Variants in KNL1 observed in about 807,000 individuals in gnomAD.
KNL1 encodes kinetochore scaffold 1.
In KNL1, 66 loss-of-function variants were observed where a neutral mutation model predicts 201.3. That is an observed-to-expected ratio of 0.33 (90% CI 0.27 to 0.40). KNL1 has a LOEUF of 0.40. Among genes scored for constraint, KNL1 ranks in the 10% least tolerant of loss-of-function variants. The pLI, the probability that KNL1 is intolerant of heterozygous loss-of-function variation, is 1.00. For missense variants in KNL1, 2,815 were observed against 2,690.5 expected (o/e 1.05, Z -1.02); for synonymous variants, 895 against 899.2 (o/e 1.00, Z 0.08).
rs373254229 is a variant in KNL1, at chr15:40,624,147, G to C, written c.3883G>C (p.Val1295Leu). The change falls in exon 10 of 26, where the codon GTT becomes CTT. Residue 1295 changes from valine (V) to leucine (L), a missense_variant. Transcript: ENST00000399668. ...VDFTSSHATA[V>L]CGSSDNYSCL... ...CTTTACAAGTAGTCATGCAACTGCTGTTTGTGGATCCAGTGATAATTATTC... is the reference window on the plus strand; with the variant it reads ...CTTTACAAGTAGTCATGCAACTGCTCTTTGTGGATCCAGTGATAATTATTC... The C allele has an allele frequency of 4.3e-6, 7 of 1,613,994 alleles. No individual in the cohort carries two copies. The Admixed American group carries it at 6.7e-5, about 15-fold the overall frequency.
chr15:40,649,703 CA>C (rs1893497039), intron 17 of KNL1, among the ~76,000 whole-genome samples: 1 of 152,140 alleles, frequency 6.6e-6, no homozygotes, highest in Non-Finnish European at 1.5e-5. Flanking sequence ...CTCCTGGGCT[CA>C]AGGAATCCTC....
intron 24 of KNL1, among the ~76,000 whole-genome samples, chr15:40,658,334 C>G (rs1274857724): frequency 6.7e-6 from 1 of 150,232 alleles, no homozygotes; most frequent in Non-Finnish European, 1.5e-5. Flanking sequence ...TCAAGACCAG[C>G]CTAGGCAAGA....
chr15:40,613,150 A>T (rs1453718348), intron 7 of KNL1, among the ~76,000 whole-genome samples: 2 of 152,206 alleles, frequency 1.3e-5, no homozygotes. Flanking sequence ...ATTTTATGCT[A>T]AATAGAGAAA....
chr15:40,650,154 A>C (rs1893510423), intron 17 of KNL1, 147 bp from the exon 18 acceptor site: 2 of 573,992 alleles, frequency 3.5e-6, no homozygotes, highest in Non-Finnish European at 3.0e-6. Flanking sequence ...AAACCATCAG[A>C]CTAGAACTTC....
rs1893579606 is a variant in KNL1 at position 40,652,003 on chromosome 15, A to G, written c.6315-2A>G. The G allele has an allele frequency of 6.2e-7, 1 of 1,610,074 alleles. No homozygotes were observed. Among genetic ancestry groups the G allele is most frequent in the Admixed American group, 1.7e-5 (1 of 59,942 alleles). On this transcript the variant is annotated splice_acceptor_variant, in intron 20 of 25. Coordinates refer to ENST00000399668, the MANE Select transcript of KNL1 (RefSeq NM_144508.5). LOFTEE classifies it high-confidence loss of function. ...TTAAAAATCTTGTTTATCTCTCTAC[A>G]GCTTGTCTGAGTGGGATGTCGTTGA...
intron 10 of KNL1, 28 bp from the exon 11 acceptor site, chr15:40,628,042 G>A: frequency 2.0e-6 from 3 of 1,525,224 alleles, no homozygotes; most frequent in Non-Finnish European, 2.7e-6. Flanking sequence ...ATTTTATTCT[G>A]ATGATATTCC....
Position 40,622,191 on chromosome 15 carries a change from G to A in KNL1, c.1927G>A (p.Asp643Asn), listed in dbSNP as rs1229215298. 1 of 1,614,094 alleles carries A rather than the reference G, an allele frequency of 6.2e-7. No homozygotes were observed. Among genetic ancestry groups the A allele is most frequent in the Non-Finnish European group, 8.5e-7 (1 of 1,179,956 alleles). ...SLTDTWNKDK[D>N]WVLKILPYLD... ...AACCGACACCTGGAACAAAGACAAA[G>A]ATTGGGTTTTGAAGATTTTGCCCTA... is the stretch of plus-strand genomic sequence containing the variant. The change falls in exon 10 of 26, where the codon GAT becomes AAT. Residue 643 changes from aspartate (D) to asparagine (N), a missense_variant. Asp to Asn is a conservative substitution (Grantham distance 23, BLOSUM62 1). Transcript: ENST00000399668.
chr15:40,610,758 AT>A (rs772083877), intron 6 of KNL1: 1 of 455,538 alleles, frequency 2.2e-6, no homozygotes, highest in South Asian at 1.5e-5. Context: ...AAATTTATTT[AT>A]TTATTTATTT....
At position 40,620,968 on chromosome 15, in the gene KNL1, A is replaced by T. The variant is rs1218839762; in HGVS notation, c.704A>T (p.Asp235Val). 6.2e-7 allele frequency: 1 copy of T among 1,605,836 alleles called. No individual in the cohort carries two copies. The highest frequency in any genetic ancestry group is 8.5e-7 in the Non-Finnish European group (1 of 1,177,776). ...GKCSAFPDVP[D>V]KENFEIPIYS... ...TGTAGTGCTTTTCCTGATGTGCCTG[A>T]TAAAGAAAATTTTGAGATACCTATT... The change falls in exon 10 of 26, where the codon GAT (aspartate) becomes GTT (valine). Residue 235 changes from aspartate to valine, a missense_variant. By Grantham distance (152) the Asp-to-Val change is radical. Transcript: ENST00000399668.
intron 25 of KNL1, among the ~76,000 whole-genome samples, chr15:40,660,314 A>T (rs1369594264): frequency 3.9e-5 from 6 of 152,156 alleles, no homozygotes; most frequent in African/African-American, 1.4e-4. Flanking sequence ...ATGAATCAAG[A>T]AGGAAAAAAC....
intron 1 of KNL1, 110 bp from the exon 2 acceptor site, chr15:40,602,805 T>G (rs1284050293): frequency 6.6e-6 from 4 of 602,970 alleles, no homozygotes; most frequent in Admixed American, 6.3e-5. Context: ...ATCTTTGGTC[T>G]TCCCTCAGAA....
intron 7 of KNL1, 23 bp from the exon 8 acceptor site, chr15:40,615,318 T>C (rs1892302464): frequency 1.5e-6 from 1 of 648,250 alleles, no homozygotes; most frequent in Non-Finnish European, 2.6e-6. Context: ...GTATAGATTA[T>C]AAAAATACTT....
rs201311057 is a variant in KNL1 at position 40,605,155 on chromosome 15, A to G, written c.75+6A>G. ...TTAGAAGACGGCATTCTTCAGTAAG[A>G]AAGACTTTCTTGAATTAATAATTGT... On this transcript the variant is annotated splice_donor_region_variant and intron_variant, in intron 3 of 25. Transcript: ENST00000399668. 1,380 of 1,441,882 alleles carry G rather than the reference A, an allele frequency of 9.6e-4. 2 individuals carry two copies. The highest frequency in any genetic ancestry group is 1.2e-3 in the Admixed American group (72 of 59,376). The allele number at this position is 1,441,882 out of a possible 1,614,324, so 89.3% of individuals were successfully genotyped here.
chr15:40,624,513 A>C lies in KNL1; in HGVS notation c.4249A>C (p.Asn1417His). Residue 1417 changes from asparagine (N) to histidine (H), a missense_variant, in exon 10 of 26, where the codon AAT becomes CAT. Coordinates refer to ENST00000399668, the MANE Select transcript of KNL1 (RefSeq NM_144508.5). ...SQDLGEMTKL[N>H]SKRVSFKLPK... The stretch of plus-strand genomic sequence containing the variant: ...AGATCTGGGGGAGATGACTAAACTT[A>C]ATTCAAAGCGAGTATCTTTTAAGCT... 6.2e-7 allele frequency: 1 copy of C among 1,613,720 alleles called. No individual in the cohort carries two copies.
At chr15:40,655,454 G>A (rs923380677) in intron 22 of KNL1, among the ~76,000 whole-genome samples, 6 of 151,706 alleles carry the variant, frequency 4.0e-5, no homozygotes, top group East Asian at 1.9e-4. Context: ...AGTTGGGCGC[G>A]GTGATGGGTG....
At chr15:40,627,756 C>T (rs961841910) in intron 10 of KNL1, among the ~76,000 whole-genome samples, 2 of 152,104 alleles carry the variant, frequency 1.3e-5, no homozygotes, top group African/African-American at 4.8e-5. Flanking sequence ...TGTGGTTGCC[C>T]TGCTGTTGGT....
chr15:40,622,754 C>T lies in KNL1; in HGVS notation c.2490C>T (p.Asp830=), dbSNP rs758477581. Residue 830 remains aspartate, a synonymous_variant, in exon 10 of 26, where the codon GAC becomes GAT. Transcript: ENST00000399668. The part of the protein sequence containing the change: ...KSNCIMDVLE[D]ESVQKPKFPK... ...ACTGTATTATGGATGTGTTAGAGGA[C>T]GAAAGTGTACAGAAACCTAAATTTC... is the stretch of plus-strand genomic sequence containing the variant. The T allele has an allele frequency of 1.9e-5, 31 of 1,606,848 alleles. No homozygotes were observed. Among genetic ancestry groups the T allele is most frequent in the Admixed American group, 8.5e-5 (5 of 58,504 alleles).
At chr15:40,650,416 G>A in intron 18 of KNL1, 38 bp downstream of exon 18, 2 of 1,569,992 alleles carry the variant, frequency 1.3e-6, no homozygotes, top group Non-Finnish European at 1.8e-6. Context: ...GGGTGTGGGG[G>A]AAGCCCTTCT....
chr15:40,654,067 G>T (rs1041058656), intron 21 of KNL1, among the ~76,000 whole-genome samples: 2 of 152,152 alleles, frequency 1.3e-5, no homozygotes, highest in African/African-American at 4.8e-5. Flanking sequence ...TGAGGGCACA[G>T]GTTGAGTATG....
Sources: allele counts gnomAD v4.1 joint callset (sites outside exome capture counted in the v4.1 genomes callset), GRCh38; gene constraint gnomAD v4.1.1; transcripts MANE v1.5; gene names NCBI Gene and HGNC (gene_info 2026-07-23, HGNC 2026-07-21).